Variants in MOCOS observed in about 807,000 individuals in gnomAD.
MOCOS encodes molybdenum cofactor sulfurase.
A neutral mutation model predicts 83.6 loss-of-function variants in MOCOS; 86 were observed. The ratio of observed to expected loss-of-function variants is 1.03; its 90% CI spans 0.86 to 1.23. The LOEUF is 1.23. Ranked by LOEUF, MOCOS falls within the 50% of genes most tolerant of loss-of-function variation. The pLI is 0.00. For synonymous variants in MOCOS, 445 were observed against 434.7 expected (o/e 1.02, Z -0.29); for missense variants, 1,120 against 1,126.9 (o/e 0.99, Z 0.09).
intron 9 of MOCOS, among the ~76,000 whole-genome samples, chr18:36,244,037 A>G (rs371377560): frequency 1.3e-4 from 20 of 151,890 alleles, no homozygotes; most frequent in South Asian, 4.2e-4. Context: ...CTAATGATCT[A>G]TTGGTTTTGT....
intron 9 of MOCOS, among the ~76,000 whole-genome samples, chr18:36,228,660 A>G (rs1458950838): frequency 6.6e-6 from 1 of 152,114 alleles, no homozygotes; most frequent in Non-Finnish European, 1.5e-5. Context: ...GAGGGGAACA[A>G]TAGACACTGA....
At chr18:36,239,612 C>G (rs1279375984) in intron 9 of MOCOS, among the ~76,000 whole-genome samples, 2 of 145,928 alleles carry the variant, frequency 1.4e-5, no homozygotes, top group Admixed American at 6.9e-5. Flanking sequence ...AATTATGTGT[C>G]TTGGAGTTGC....
At chr18:36,200,449 G>A (rs1362901591) in intron 4 of MOCOS, 125 bp downstream of exon 4, 3 of 1,238,918 alleles carry the variant, frequency 2.4e-6, no homozygotes, top group Admixed American at 4.5e-5. Context: ...GTTGCTGGCA[G>A]GGACAGGCTG....
At position 36,223,708 on chromosome 18, in the gene MOCOS, T is replaced by C. The variant is rs118030200; in HGVS notation, c.1960+3491T>C. Among the ~76,000 whole-genome samples the C allele has an allele frequency of 8.2e-3, 1,243 of 152,352 alleles. 6 individuals are homozygous for C. Among genetic ancestry groups the C allele is most frequent in the Non-Finnish European group, 0.013 (877 of 68,026 alleles). On this transcript the variant is annotated intron_variant, in intron 9 of 14. Transcript: ENST00000261326. ...TCTATAGACATTTTAACAATATTAATTCTTCTAATCCATGAACATGGAGTG... is the reference window on the plus strand; with the variant it reads ...TCTATAGACATTTTAACAATATTAACTCTTCTAATCCATGAACATGGAGTG...
chr18:36,230,655 C>T (rs1334250855), intron 9 of MOCOS, among the ~76,000 whole-genome samples: 1 of 152,180 alleles, frequency 6.6e-6, no homozygotes, highest in Admixed American at 6.5e-5. Flanking sequence ...GAAGCCAGTC[C>T]TCTAGGGAGC....
chr18:36,217,907 C>T (rs1312246902), intron 8 of MOCOS, among the ~76,000 whole-genome samples: 2 of 152,086 alleles, frequency 1.3e-5, no homozygotes, highest in Admixed American at 1.3e-4. Flanking sequence ...TCAATGTGGG[C>T]CTCTGTTTCT....
At position 36,268,605 on chromosome 18, in the gene MOCOS, C is replaced by T; in HGVS notation, c.2587C>T (p.Gln863Ter). The T allele has an allele frequency of 1.9e-6, 3 of 1,614,096 alleles. No homozygotes were observed. Among genetic ancestry groups the T allele is most frequent in the Non-Finnish European group, 2.5e-6 (3 of 1,180,008 alleles). Residue 863 changes from glutamine (Q) to a stop codon, truncating the protein, a stop_gained, in exon 15 of 15, where the codon CAG (glutamine) becomes TAG (stop). Transcript: ENST00000261326. LOFTEE classifies it low-confidence loss of function (END_TRUNC). ...SSPCFLSVGS[Q>*]VLPVLKENVE... ...CCCATGTTTCCTGTCTGTAGGATCT[C>T]AGGTGCTCCCTGTGTTGAAAGAGAA...
At chr18:36,266,649 A>G (rs1457383528) in intron 13 of MOCOS, 100 bp from the exon 14 acceptor site, 6 of 985,926 alleles carry the variant, frequency 6.1e-6, no homozygotes, top group Non-Finnish European at 9.5e-6. Context: ...CTGGCTCTCC[A>G]TAGTTAGGGG....
intron 9 of MOCOS, among the ~76,000 whole-genome samples, chr18:36,225,961 AC>A: frequency 6.7e-6 from 1 of 149,278 alleles, no homozygotes; most frequent in Non-Finnish European, 1.5e-5. Flanking sequence ...TTGTTTTAAG[AC>A]CTAACATGAT....
Position 36,207,551 on chromosome 18 carries a change from A to G in MOCOS, c.1218+2275A>G, listed in dbSNP as rs565736373. 3.0e-4 allele frequency among the ~76,000 whole-genome samples: 45 copies of G among 151,394 alleles called. No homozygotes were observed. In the South Asian group the frequency reaches 9.2e-3, roughly 31 times the overall value. On this transcript the variant is annotated intron_variant, in intron 6 of 14. Transcript: ENST00000261326. ...ATTTGCATTTCTCTCATGATTAATG[A>G]TGTCGAACATTTTTTTCATATGCTA...
At chr18:36,216,751 A>G (rs2091477232) in intron 8 of MOCOS, among the ~76,000 whole-genome samples, 1 of 152,218 alleles carries the variant, frequency 6.6e-6, no homozygotes, top group Non-Finnish European at 1.5e-5. Flanking sequence ...TCCATAAAAT[A>G]CTTATTAATT....
chr18:36,262,295 G>T lies in MOCOS; in HGVS notation c.2409+2120G>T, dbSNP rs1051373538. ...CACACACGAAAAATTAGCCAGGCAC[G>T]GTGATGTGCGCCTGTAGTCTCAGCT... is the stretch of plus-strand genomic sequence containing the variant. On this transcript the variant is annotated intron_variant, in intron 13 of 14. Transcript: ENST00000261326. Among the ~76,000 whole-genome samples, 35 of 11,374 alleles carry T rather than the reference G, an allele frequency of 3.1e-3. 1 individual carries two copies. The highest frequency in any genetic ancestry group is 7.9e-3 in the African/African-American group (34 of 4,282). The allele number at this position is 11,374 out of a possible 152,430, so 7.5% of individuals were successfully genotyped here.
chr18:36,226,714 C>CTTTT (rs71168207), intron 9 of MOCOS, among the ~76,000 whole-genome samples: 6 of 143,264 alleles, frequency 4.2e-5, no homozygotes, highest in Non-Finnish European at 7.6e-5. Flanking sequence ...TAGGTTTTTT[C>CTTTT]TTTTTTTTTT....
intron 11 of MOCOS, among the ~76,000 whole-genome samples, chr18:36,256,394 T>C (rs935694959): frequency 3.9e-5 from 6 of 152,182 alleles, no homozygotes; most frequent in Non-Finnish European, 8.8e-5. Flanking sequence ...AAGTCTTGCC[T>C]CCAAGTCTAA....
chr18:36,259,069 C>A (rs2091652759), intron 12 of MOCOS, among the ~76,000 whole-genome samples: 1 of 92,374 alleles, frequency 1.1e-5, no homozygotes, highest in Admixed American at 1.6e-4. Flanking sequence ...TCAGTGCGTT[C>A]TTCTGGGTGG....
chr18:36,246,152 T>A (rs2091601337), intron 9 of MOCOS, among the ~76,000 whole-genome samples: 2 of 152,238 alleles, frequency 1.3e-5, no homozygotes, highest in African/African-American at 4.8e-5. Context: ...TTGGTTTAGA[T>A]CCATTGCTGG....
intron 11 of MOCOS, 44 bp from the exon 12 acceptor site, chr18:36,256,924 T>C: frequency 6.6e-7 from 1 of 1,507,136 alleles, no homozygotes; most frequent in Non-Finnish European, 9.2e-7. Flanking sequence ...TTCACTGGCA[T>C]TCTGAGAAAG....
chr18:36,245,304 T>G (rs928759377), intron 9 of MOCOS, among the ~76,000 whole-genome samples: 1 of 152,226 alleles, frequency 6.6e-6, no homozygotes, highest in African/African-American at 2.4e-5. Flanking sequence ...TTACCATTTT[T>G]TTTGTAGTGC....
intron 9 of MOCOS, among the ~76,000 whole-genome samples, chr18:36,237,085 C>G (rs1598585704): frequency 6.9e-6 from 1 of 145,984 alleles, no homozygotes; most frequent in African/African-American, 2.5e-5. Context: ...CAAACAGGGA[C>G]AATTTGACTT....
Sources: gnomAD v4.1 joint callset for allele counts (sites outside exome capture counted in the v4.1 genomes callset) on GRCh38, gnomAD v4.1.1 for gene constraint, MANE v1.5 for transcripts, NCBI Gene and HGNC (gene_info 2026-07-23, HGNC 2026-07-21) for gene names.